Variants in ASIC2 observed in about 807,000 individuals in gnomAD.
ASIC2 encodes acid sensing ion channel subunit 2, also known as acid-sensing ion channel 2.
In ASIC2, 25 loss-of-function variants were observed where a neutral mutation model predicts 57.3. The ratio of observed to expected loss-of-function variants is 0.44; its 90% confidence interval spans 0.32 to 0.61. The LOEUF (loss-of-function observed/expected upper bound fraction) is 0.61, where lower values mean the gene tolerates loss of function less well. Among genes scored for constraint, ASIC2 ranks in the 20% least tolerant of loss-of-function variants. The pLI is 0.06. For synonymous variants in ASIC2, 319 were observed against 307.5 expected (o/e 1.04, Z -0.39); for missense variants, 641 against 738.1 (o/e 0.87, Z 1.52).
chr17:33,605,781 C>G (rs907581442), intron 1 of ASIC2, among the ~76,000 whole-genome samples: 1 of 152,224 alleles, frequency 6.6e-6, no homozygotes, highest in Non-Finnish European at 1.5e-5. Context: ...CACGTCCTGC[C>G]TCCGGCCCCC....
chr17:33,228,672 C>G (rs1257211904), intron 1 of ASIC2, among the ~76,000 whole-genome samples: 2 of 152,242 alleles, frequency 1.3e-5, no homozygotes, highest in African/African-American at 4.8e-5. Context: ...GACAACTCAG[C>G]CAGGCTGCGT....
At chr17:33,069,071 C>A (rs1301021101) in intron 3 of ASIC2, among the ~76,000 whole-genome samples, 2 of 151,986 alleles carry the variant, frequency 1.3e-5, no homozygotes, top group African/African-American at 4.8e-5. Context: ...TTTTTAATTT[C>A]ACTTTTGATT....
At chr17:33,769,315 C>T (rs777117072) in intron 1 of ASIC2, among the ~76,000 whole-genome samples, 6 of 152,130 alleles carry the variant, frequency 3.9e-5, no homozygotes, top group Non-Finnish European at 7.4e-5. Flanking sequence ...CAGTGTTGGC[C>T]GTGGGTTCTG....
intron 1 of ASIC2, among the ~76,000 whole-genome samples, chr17:33,460,291 G>C (rs565426191): frequency 1.3e-5 from 2 of 152,298 alleles, no homozygotes; most frequent in South Asian, 4.1e-4. Context: ...TGAGACACAA[G>C]GTGCCAAGAA....
chr17:33,820,026 A>C (rs1912699524), intron 1 of ASIC2, among the ~76,000 whole-genome samples: 1 of 152,188 alleles, frequency 6.6e-6, no homozygotes, highest in Admixed American at 6.5e-5. Context: ...TGGAGTTTGC[A>C]GTCAGAAACG....
At chr17:34,004,578 G>A (rs1359416835) in intron 1 of ASIC2, 1 of 152,240 alleles carries the variant, frequency 6.6e-6, no homozygotes, top group Non-Finnish European at 1.5e-5. Flanking sequence ...GACTTTGAAT[G>A]CAGTCATGGC....
chr17:33,060,142 C>T (rs963693153), intron 3 of ASIC2, among the ~76,000 whole-genome samples: 5 of 152,154 alleles, frequency 3.3e-5, no homozygotes, highest in Non-Finnish European at 5.9e-5. Flanking sequence ...GTTTCTTTTG[C>T]TGTGCAGAAG....
chr17:33,452,776 T>TGTGTGA lies in ASIC2; in HGVS notation c.556-340710_556-340709insTCACAC, dbSNP rs927088214. Among the ~76,000 whole-genome samples, 17 of 151,270 alleles carry TGTGTGA rather than the reference T, an allele frequency of 1.1e-4. No homozygotes were observed. In the East Asian group the frequency reaches 1.2e-3, roughly 10 times the overall value. On this transcript the variant is annotated intron_variant, in intron 1 of 9. Transcript: ENST00000359872. ...GTGTGTGTGTGTGTGTGTGTGTGTG[T>TGTGTGA]GATAGCCTTTAAAAAGCAAGGAAGA...
intron 1 of ASIC2, chr17:34,038,419 G>T: frequency 1.2e-6 from 2 of 1,612,154 alleles, no homozygotes; most frequent in Middle Eastern, 2.1e-4. Flanking sequence ...CATGCTTGTG[G>T]TAATTCTCCT....
At chr17:33,347,643 C>G (rs945170755) in intron 1 of ASIC2, among the ~76,000 whole-genome samples, 1 of 152,106 alleles carries the variant, frequency 6.6e-6, no homozygotes, top group African/African-American at 2.4e-5. Flanking sequence ...CGGATGAGGT[C>G]TCAGAATTGC....
chr17:33,847,495 C>T (rs1913640903), intron 1 of ASIC2, among the ~76,000 whole-genome samples: 3 of 152,156 alleles, frequency 2.0e-5, no homozygotes, highest in Non-Finnish European at 4.4e-5. Context: ...TCTTCCTGCT[C>T]ATGGCTAGGC....
At position 33,671,776 on chromosome 17, in the gene ASIC2, C is replaced by T. The variant is rs1347226197; in HGVS notation, c.555+484202G>A. Among the ~76,000 whole-genome samples, 4 of 152,222 alleles carry T rather than the reference C, an allele frequency of 2.6e-5. 1 individual carries two copies. The South Asian group carries it at 6.2e-4, about 24-fold the overall frequency. On this transcript the variant is annotated intron_variant, in intron 1 of 9. Transcript: ENST00000359872. ...ATGGCCTGGTCTGGGTCCTGAGTCGCGAGATGCACCGCTTCATGCTTTTAT... is the reference window on the plus strand; with the variant it reads ...ATGGCCTGGTCTGGGTCCTGAGTCGTGAGATGCACCGCTTCATGCTTTTAT...
chr17:33,491,842 T>G (rs1014050171), intron 1 of ASIC2, among the ~76,000 whole-genome samples: 1 of 152,018 alleles, frequency 6.6e-6, no homozygotes, highest in Non-Finnish European at 1.5e-5. Context: ...CAAGAGGGAG[T>G]CAGTATTTAG....
intron 1 of ASIC2, among the ~76,000 whole-genome samples, chr17:34,016,863 TA>T (rs1274621681): frequency 1.3e-5 from 2 of 152,224 alleles, no homozygotes; most frequent in African/African-American, 4.8e-5. Context: ...TAAGTGCTTT[TA>T]AAAATTTACA....
chr17:33,291,841 G>A lies in ASIC2; in HGVS notation c.275C>T (p.Ala92Val). The A allele has an allele frequency of 1.9e-6, 3 of 1,609,820 alleles. No individual in the cohort carries two copies. The highest frequency in any genetic ancestry group is 2.5e-6 in the Non-Finnish European group (3 of 1,179,484). The change falls in exon 1 of 10, where the codon GCC (alanine) becomes GTC (valine). Residue 92 changes from alanine to valine, a missense_variant. Coordinates refer to ENST00000225823, the MANE Select transcript of ASIC2 (RefSeq NM_183377.2). ...CAGCAAGCCGAAGGATGTACAGAAG[G>A]CCAGCACCCACAGCGCCCGCCGCTG... ...SFQRRALWVL[A>V]FCTSFGLLLS...
chr17:33,758,449 C>A (rs1227071547), intron 1 of ASIC2, among the ~76,000 whole-genome samples: 1 of 152,098 alleles, frequency 6.6e-6, no homozygotes, highest in African/African-American at 2.4e-5. Context: ...CTACTATTGA[C>A]AATCCCAGTT....
chr17:33,788,791 T>C (rs950078486), intron 1 of ASIC2, among the ~76,000 whole-genome samples: 1 of 152,002 alleles, frequency 6.6e-6, no homozygotes, highest in African/African-American at 2.4e-5. Context: ...CTCAGCAAAC[T>C]AACACAGGAA....
chr17:33,483,202 C>A (rs1029054145), intron 1 of ASIC2, among the ~76,000 whole-genome samples: 1 of 152,212 alleles, frequency 6.6e-6, no homozygotes, highest in Non-Finnish European at 1.5e-5. Context: ...ATAAAACCAG[C>A]ATCACCGGCC....
intron 1 of ASIC2, among the ~76,000 whole-genome samples, chr17:33,220,131 C>T (rs185273978): frequency 3.9e-5 from 6 of 152,226 alleles, no homozygotes; most frequent in Admixed American, 3.9e-4. Context: ...CGAAGAAAAC[C>T]CCTAGTTTAA....
Sources: gnomAD v4.1 joint callset for allele counts (sites outside exome capture counted in the v4.1 genomes callset) on GRCh38, gnomAD v4.1.1 for gene constraint, MANE v1.5 for transcripts, NCBI Gene and HGNC (gene_info 2026-07-23, HGNC 2026-07-21) for gene names.